The following TTLL4 variants were observed in gnomAD, a reference collection of about 807,000 sequenced individuals.
TTLL4 encodes the protein tubulin tyrosine ligase like 4.
A neutral mutation model predicts 122.7 loss-of-function variants in TTLL4; 85 were observed. The ratio of observed to expected loss-of-function variants is 0.69; its 90% CI spans 0.58 to 0.83. TTLL4 has a LOEUF of 0.83. Ranked by LOEUF, TTLL4 falls within the 40% of genes least tolerant of loss-of-function variation. TTLL4 has a pLI of 0.00. For synonymous variants in TTLL4, 553 were observed against 563.0 expected (o/e 0.98, Z 0.25); for missense variants, 1,363 against 1,488.6 (o/e 0.92, Z 1.39).
chr2:218,728,921 A>G lies in TTLL4; in HGVS notation c.-99+1574A>G, dbSNP rs987780800. 1.8e-3 allele frequency among the ~76,000 whole-genome samples: 123 copies of G among 69,196 alleles called. 1 individual carries two copies. The highest frequency in any genetic ancestry group is 3.1e-3 in the Non-Finnish European group (103 of 33,528). The allele number at this position is 69,196 out of a possible 152,430, so 45.4% of individuals were successfully genotyped here. ...GCATGGACAGGGAAGCTGGTGGTCTATTTTTTTTTTTTTTTTTTTTGGCGG... is the reference window on the plus strand; with the variant it reads ...GCATGGACAGGGAAGCTGGTGGTCTGTTTTTTTTTTTTTTTTTTTTGGCGG... On this transcript the variant is annotated intron_variant, in intron 2 of 19. Transcript: ENST00000392102.
intron 3 of TTLL4, 38 bp downstream of exon 3, chr2:218,739,201 G>A (rs1942631183): frequency 1.9e-6 from 3 of 1,577,862 alleles, no homozygotes; most frequent in Non-Finnish European, 2.6e-6. Flanking sequence ...TAGAGCAGTA[G>A]AATGTATATA....
chr2:218,725,526 C>T (rs1251853602), intron 1 of TTLL4, among the ~76,000 whole-genome samples: 1 of 152,044 alleles, frequency 6.6e-6, no homozygotes, highest in Non-Finnish European at 1.5e-5. Context: ...TGCGTTTTAA[C>T]TATTTGTGTC....
intron 5 of TTLL4, among the ~76,000 whole-genome samples, chr2:218,742,909 A>G (rs1942740669): frequency 6.6e-6 from 1 of 152,094 alleles, no homozygotes; most frequent in African/African-American, 2.4e-5. Flanking sequence ...GATGAGTTGA[A>G]GTCAGGAGTT....
Position 218,738,085 on chromosome 2 carries a change from C to A in TTLL4, c.409C>A (p.Arg137Ser). 6.2e-7 allele frequency: 1 copy of A among 1,614,062 alleles called. No homozygotes were observed. Among genetic ancestry groups the A allele is most frequent in the East Asian group, 2.2e-5 (1 of 44,850 alleles). The change falls in exon 3 of 20, where the codon CGT (arginine) becomes AGT (serine). Residue 137 changes from arginine (R) to serine (S), a missense_variant. By Grantham distance (110) the Arg-to-Ser change is moderately radical. Coordinates refer to ENST00000392102, the MANE Select transcript of TTLL4 (RefSeq NM_014640.5). ...CCAGCAACTGGAGTCTTTCTGCTTG[C>A]GTTCGAGCCCGTCAGAAAAAAGCCC... Reference protein sequence around the residue: ...PYQQLESFCLRSSPSEKSPFS... With the variant: ...PYQQLESFCLSSSPSEKSPFS...
At chr2:218,725,609 G>A (rs563152805) in intron 1 of TTLL4, among the ~76,000 whole-genome samples, 3 of 151,876 alleles carry the variant, frequency 2.0e-5, no homozygotes, top group Non-Finnish European at 4.4e-5. Context: ...ATGCTGGGGT[G>A]TAGTGGCGTG....
intron 1 of TTLL4, among the ~76,000 whole-genome samples, chr2:218,712,679 G>A (rs938574393): frequency 1.3e-5 from 2 of 152,032 alleles, no homozygotes; most frequent in Non-Finnish European, 2.9e-5. Flanking sequence ...GAGCCACCGC[G>A]CCCGGCCCCA....
chr2:218,757,398 G>A (rs1364478373), downstream of TTLL4, among the ~76,000 whole-genome samples: 1 of 152,226 alleles, frequency 6.6e-6, no homozygotes, highest in Non-Finnish European at 1.5e-5. Flanking sequence ...TTCACAGTCA[G>A]AGCACAGAAT....
At chr2:218,718,580 G>A (rs2106391471) in intron 1 of TTLL4, among the ~76,000 whole-genome samples, 2 of 152,206 alleles carry the variant, frequency 1.3e-5, no homozygotes, top group Middle Eastern at 6.8e-3. Context: ...GTTTCTCCAT[G>A]TTGCTCAGGC....
intron 8 of TTLL4, 82 bp from the exon 9 acceptor site, chr2:218,746,921 G>T: frequency 6.8e-7 from 1 of 1,463,424 alleles, no homozygotes; most frequent in Admixed American, 2.0e-5. Context: ...TAAAGAAGTT[G>T]GAATGGTAGA....
chr2:218,735,595 A>C (rs1368192919), intron 2 of TTLL4, among the ~76,000 whole-genome samples: 1 of 151,954 alleles, frequency 6.6e-6, no homozygotes, highest in East Asian at 1.9e-4. Flanking sequence ...CTCTCTGCAA[A>C]TTCCTTCCCT....
chr2:218,752,641 T>A lies in TTLL4; in HGVS notation c.2977-122T>A, dbSNP rs1237512205. Reference sequence around the variant, plus strand: ...GGCCCACTAGGCTGCCCTCAGTAGTTCCATGAGAGTCCCGGAGCTGTAGGA... The same window carrying A: ...GGCCCACTAGGCTGCCCTCAGTAGTACCATGAGAGTCCCGGAGCTGTAGGA... On this transcript the variant is annotated intron_variant, in intron 16 of 19. Coordinates refer to ENST00000392102, the MANE Select transcript of TTLL4 (RefSeq NM_014640.5). 3.0e-6 allele frequency: 3 copies of A among 996,332 alleles called. No homozygotes were observed. In the African/African-American group the frequency reaches 4.8e-5, roughly 16 times the overall value. 61.7% of individuals were successfully genotyped at this position (996,332 alleles called of 1,614,324 possible).
intron 19 of TTLL4, 104 bp downstream of exon 19, chr2:218,753,773 C>T: frequency 5.4e-6 from 7 of 1,304,190 alleles, no homozygotes; most frequent in Admixed American, 1.7e-5. Context: ...CATTCTCCAG[C>T]TGGGGGTTGG....
chr2:218,752,151 G>A (rs1317261805), intron 16 of TTLL4, among the ~76,000 whole-genome samples: 2 of 151,982 alleles, frequency 1.3e-5, no homozygotes, highest in African/African-American at 4.8e-5. Flanking sequence ...CAAGTGATCC[G>A]CCTGCCTCGG....
intron 19 of TTLL4, 102 bp from the exon 20 acceptor site, chr2:218,754,032 T>C (rs1943096247): frequency 6.6e-7 from 1 of 1,525,588 alleles, no homozygotes; most frequent in Non-Finnish European, 8.9e-7. Context: ...CCTACAACAC[T>C]GTAATGTCGT....
chr2:218,758,829 AG>A (rs1330230490), downstream of TTLL4, among the ~76,000 whole-genome samples: 4 of 152,262 alleles, frequency 2.6e-5, no homozygotes, highest in Non-Finnish European at 5.9e-5. Flanking sequence ...CCACTCTTGC[AG>A]GCAAATGTTC....
intron 3 of TTLL4, 110 bp from the exon 4 acceptor site, chr2:218,739,948 G>T (rs1465257423): frequency 2.1e-6 from 2 of 975,304 alleles, no homozygotes; most frequent in African/African-American, 3.2e-5. Flanking sequence ...AGAAGTAGCA[G>T]ATTGGTAATG....
chr2:218,749,960 A>G, intron 14 of TTLL4, 49 bp from the exon 15 acceptor site: 1 of 1,600,320 alleles, frequency 6.2e-7, no homozygotes, highest in Non-Finnish European at 8.5e-7. Context: ...ATGACCAGAG[A>G]CTGTTTCGGA....
In TTLL4 at chr2:218,747,831, A is replaced by C. The variant is rs1942890716; in HGVS notation, c.2378+106A>C. The C allele has an allele frequency of 6.7e-7, 1 of 1,497,812 alleles. No individual in the cohort carries two copies. Among genetic ancestry groups the C allele is most frequent in the South Asian group, 1.3e-5 (1 of 79,808 alleles). 92.8% of individuals were successfully genotyped at this position (1,497,812 alleles called of 1,614,324 possible). On this transcript the variant is annotated intron_variant, in intron 11 of 19. Coordinates refer to ENST00000392102, the MANE Select transcript of TTLL4 (RefSeq NM_014640.5). The surrounding 1 kb of genome is among the most constrained non-coding windows in gnomAD (Gnocchi z 4.7). Reference sequence around the variant, plus strand: ...AACAGAAAAATAGTTTTTGTTAGCAAGGGGAAAGGCAGGAAATGGGAAATA... The same window carrying C: ...AACAGAAAAATAGTTTTTGTTAGCACGGGGAAAGGCAGGAAATGGGAAATA...
chr2:218,746,073 G>T, intron 7 of TTLL4, 82 bp from the exon 8 acceptor site: 1 of 1,533,884 alleles, frequency 6.5e-7, no homozygotes, highest in Non-Finnish European at 9.0e-7. Context: ...TGGGAGCTCT[G>T]CCCAGTTCTG....
Sources: allele counts gnomAD v4.1 joint callset (sites outside exome capture counted in the v4.1 genomes callset), GRCh38; gene constraint gnomAD v4.1.1; non-coding constraint Gnocchi (gnomAD v3.1); transcripts MANE v1.5; gene names NCBI Gene and HGNC (gene_info 2026-07-23, HGNC 2026-07-21).